Variants in AHNAK2 observed in about 807,000 individuals in gnomAD.
AHNAK2 encodes the protein AHNAK nucleoprotein 2, also known as protein AHNAK2.
In AHNAK2, 18 loss-of-function variants were observed where a neutral mutation model predicts 30.7. The observed-to-expected ratio is 0.59, with a 90% confidence interval of 0.41 to 0.87. AHNAK2 has a LOEUF of 0.87. Among genes scored for constraint, AHNAK2 ranks in the 40% least tolerant of loss-of-function variants. The probability of loss-of-function intolerance (pLI) is 0.00; values close to 1 mark genes in which losing one functional copy is unlikely to be tolerated. For missense variants in AHNAK2, 8,604 were observed against 7,373.0 expected, an observed-to-expected ratio of 1.17 and a Z score of -6.11; for synonymous variants, 3,590 against 3,073.8, an observed-to-expected ratio of 1.17 and a Z score of -5.56.
At chr14:104,971,693 G>A (rs1899475997) in intron 1 of AHNAK2, among the ~76,000 whole-genome samples, 1 of 152,202 alleles carries the variant, frequency 6.6e-6, no homozygotes, top group South Asian at 2.1e-4. Flanking sequence ...ACCTCACCCT[G>A]CTGCACCCTG....
chr14:104,952,176 G>T lies in AHNAK2; in HGVS notation c.3275C>A (p.Pro1092His), dbSNP rs749464679. Residue 1092 changes from proline (P) to histidine (H), a missense_variant, in exon 7 of 7, where the codon CCC (proline) becomes CAC (histidine). Pro to His is a moderately conservative substitution (Grantham distance 77). Coordinates refer to ENST00000333244, the MANE Select transcript of AHNAK2 (RefSeq NM_138420.4). Reference protein sequence around the residue: ...PKVEMPSFKMPKVALKGPQVD... With the variant: ...PKVEMPSFKMHKVALKGPQVD... ...CTGGGGGCCCTTGAGGGCCACTTTG[G>T]GCATCTTGAAACTGGGCATCTCCAC... The T allele has an allele frequency of 2.5e-6, 4 of 1,612,454 alleles. No individual in the cohort carries two copies. The highest frequency in any genetic ancestry group is 2.5e-6 in the Non-Finnish European group (3 of 1,179,614).
Position 104,944,293 on chromosome 14 carries a change from G to A in AHNAK2, c.11158C>T (p.His3720Tyr). 1.2e-6 allele frequency: 2 copies of A among 1,613,124 alleles called. No individual in the cohort carries two copies. Among genetic ancestry groups the A allele is most frequent in the South Asian group, 2.2e-5 (2 of 91,042 alleles). Residue 3720 changes from histidine (H) to tyrosine (Y), a missense_variant, in exon 7 of 7, where the codon CAC (histidine) becomes TAC (tyrosine). Transcript: ENST00000333244. ...QVPEGAGLKE[H>Y]LPKVEMPSLK... is the part of the protein sequence containing the mutation. Reference sequence around the variant, plus strand: ...CTGGGCATCTCCACCTTGGGCAGGTGCTCTTTGAGGCCGGCTCCCTCGGGC... The same window carrying A: ...CTGGGCATCTCCACCTTGGGCAGGTACTCTTTGAGGCCGGCTCCCTCGGGC...
In AHNAK2 at chr14:104,946,722, T is replaced by A. The variant is rs772346443; in HGVS notation, c.8729A>T (p.Asp2910Val). ...QMPSFKMPKVDLKGPQIDVKG... is the reference protein window; with the variant it reads ...QMPSFKMPKVVLKGPQIDVKG... The stretch of plus-strand genomic sequence containing the variant: ...GACGTCTATCTGGGGGCCCTTGAGA[T>A]CCACTTTGGGCATCTTGAAACTGGG... Residue 2910 changes from aspartate to valine, a missense_variant, in exon 7 of 7, where the codon GAT becomes GTT. Asp to Val is a radical substitution (Grantham distance 152). Transcript: ENST00000333244. 9 of 1,612,156 alleles carry A rather than the reference T, an allele frequency of 5.6e-6. No individual in the cohort carries two copies. Among genetic ancestry groups the A allele is most frequent in the African/African-American group, 1.3e-5 (1 of 74,364 alleles).
chr14:104,946,474 G>A lies in AHNAK2; in HGVS notation c.8977C>T (p.Pro2993Ser), dbSNP rs764690767. The change falls in exon 7 of 7, where the codon CCA becomes TCA. Residue 2993 changes from proline (P) to serine (S), a missense_variant. Coordinates refer to ENST00000333244, the MANE Select transcript of AHNAK2 (RefSeq NM_138420.4). ...ACCGAGACCTCAATGGACTTGCCTG[G>A]GGCAGACACCCCGAACGACGGCATC... ...FKMPSFGVSA[P>S]GKSIEVSVDV... is the part of the protein sequence containing the mutation. 11 of 1,612,390 alleles carry A rather than the reference G, an allele frequency of 6.8e-6. No individual in the cohort carries two copies. Among genetic ancestry groups the A allele is most frequent in the South Asian group, 4.4e-5 (4 of 90,994 alleles).
chr14:104,948,322 C>A lies in AHNAK2; in HGVS notation c.7129G>T (p.Val2377Phe). The A allele has an allele frequency of 1.9e-6, 3 of 1,612,660 alleles. No homozygotes were observed. The highest frequency in any genetic ancestry group is 1.1e-5 in the South Asian group (1 of 91,042). The change falls in exon 7 of 7, where the codon GTC (valine) becomes TTC (phenylalanine). Residue 2377 changes from valine to phenylalanine, a missense_variant. Coordinates refer to ENST00000333244, the MANE Select transcript of AHNAK2 (RefSeq NM_138420.4). ...TTCACATCCACTTGGCCAGCCTGGA[C>A]CTCCAGGTCAGCGGAAGGGGGCTGA... Reference protein sequence around the residue: ...SVQPPSADLEVQAGQVDVKLP... With the variant: ...SVQPPSADLEFQAGQVDVKLP...
chr14:104,943,327 G>GC lies in AHNAK2; in HGVS notation c.12123dup (p.Pro4042AlafsTer33). On this transcript the variant is annotated frameshift_variant, in exon 7 of 7. Coordinates refer to ENST00000333244, the MANE Select transcript of AHNAK2 (RefSeq NM_138420.4). LOFTEE classifies it low-confidence loss of function (END_TRUNC). ...TGCCCTTTGAGGCTGGCTCCCTCGGGCACGGGGCCCTCTGGGAGTTTCACG... is the reference window on the plus strand; with the variant it reads ...TGCCCTTTGAGGCTGGCTCCCTCGGGCCACGGGGCCCTCTGGGAGTTTCACG... The GC allele has an allele frequency of 6.2e-7, 1 of 1,612,832 alleles. No homozygotes were observed. The highest frequency in any genetic ancestry group is 8.5e-7 in the Non-Finnish European group (1 of 1,179,550).
At position 104,938,906 on chromosome 14, in the gene AHNAK2, C is replaced by G. The variant is rs200712744; in HGVS notation, c.16545G>C (p.Ser5515=). 1 of 1,613,658 alleles carries G rather than the reference C, an allele frequency of 6.2e-7. No homozygotes were observed. Among genetic ancestry groups the G allele is most frequent in the Non-Finnish European group, 8.5e-7 (1 of 1,179,858 alleles). ...TCACTTTTAATAAGGAAAATCCGTA[C>G]GAAGGTGTTTGAATCTCTGACGTGG... ...EIPTSEIQTP[S]YGFSLLKVKI... Residue 5515 remains serine (S), a synonymous_variant, in exon 7 of 7, where the codon TCG becomes TCC. Coordinates refer to ENST00000333244, the MANE Select transcript of AHNAK2 (RefSeq NM_138420.4).
rs545799426 is a variant in AHNAK2 at position 104,945,995 on chromosome 14, C to G, written c.9456G>C (p.Ser3152=). The change falls in exon 7 of 7, where the codon TCG becomes TCC. Residue 3152 remains serine, a synonymous_variant. Transcript: ENST00000333244. ...ACTTGCCTGGGGCAGACACCCCGAA[C>G]GACGGCATCTTGAACTTGGGCATTT... The part of the protein sequence containing the change: ...KFKMPKFKMP[S]FGVSAPGKSI... The G allele has an allele frequency of 4.6e-6, 6 of 1,309,944 alleles. No homozygotes were observed. Among genetic ancestry groups the G allele is most frequent in the African/African-American group, 2.9e-5 (2 of 69,850 alleles). 81.1% of individuals were successfully genotyped at this position (1,309,944 alleles called of 1,614,324 possible).
rs1242845083 is a variant in AHNAK2, at chr14:104,948,606, G to C, written c.6845C>G (p.Pro2282Arg). ...GGCCTTGACGTCCACCTCCACGCTG[G>C]GCAGAGACACCTCCACATCAGGGGC... is the stretch of plus-strand genomic sequence containing the variant. Reference protein sequence around the residue: ...VTAPDVEVSLPSVEVDVKAPG... With the variant: ...VTAPDVEVSLRSVEVDVKAPG... The change falls in exon 7 of 7, where the codon CCC (proline) becomes CGC (arginine). Residue 2282 changes from proline (P) to arginine (R), a missense_variant. Pro to Arg is a moderately radical substitution (Grantham distance 103). Coordinates refer to ENST00000333244, the MANE Select transcript of AHNAK2 (RefSeq NM_138420.4). 1 of 1,612,590 alleles carries C rather than the reference G, an allele frequency of 6.2e-7. No individual in the cohort carries two copies. Among genetic ancestry groups the C allele is most frequent in the Non-Finnish European group, 8.5e-7 (1 of 1,179,780 alleles).
In AHNAK2 at chr14:104,950,183, G is replaced by A. The variant is rs1566913262; in HGVS notation, c.5268C>T (p.Leu1756=). The A allele has an allele frequency of 1.3e-6, 2 of 1,586,130 alleles. No homozygotes were observed. Residue 1756 remains leucine, a synonymous_variant, in exon 7 of 7, where the codon CTC becomes CTT. Transcript: ENST00000333244. ...MPSLKMPKVA[L]KGPQMDVKGP... The stretch of plus-strand genomic sequence containing the variant: ...CCTTGACGTCCATCTGGGGGCCCTT[G>A]AGGGCCACTTTGGGCATCTTCAAAC...
Position 104,946,375 on chromosome 14 carries a change from T to C in AHNAK2, c.9076A>G (p.Ile3026Val), listed in dbSNP as rs375288801. 2.5e-6 allele frequency: 4 copies of C among 1,611,420 alleles called. No homozygotes were observed. Among genetic ancestry groups the C allele is most frequent in the Admixed American group, 3.3e-5 (2 of 59,786 alleles). Residue 3026 changes from isoleucine (I) to valine (V), a missense_variant, in exon 7 of 7, where the codon ATC becomes GTC. By Grantham distance (29) the Ile-to-Val change is conservative. Coordinates refer to ENST00000333244, the MANE Select transcript of AHNAK2 (RefSeq NM_138420.4). ...TGGGCAGAGGGGGGCTCAATGCTGA[T>C]GTCAGTGGTCTTCAGGTCCCCCTGC... ...SMQGDLKTTD[I>V]SIEPPSAQLE...
In AHNAK2 at chr14:104,953,157, C is replaced by A. The variant is rs1389272215; in HGVS notation, c.2294G>T (p.Ser765Ile). ...KGHLPKVQRP[S>I]LKMPKVDLKG... is the part of the protein sequence containing the mutation. ...GAGGTCCACTTTGGGCATCTTCAAA[C>A]TGGGCCTCTGCACCTTGGGCAGGTG... The change falls in exon 7 of 7, where the codon AGT (serine) becomes ATT (isoleucine). Residue 765 changes from serine to isoleucine, a missense_variant. Ser to Ile is a moderately radical substitution (Grantham distance 142, BLOSUM62 -2). Transcript: ENST00000333244. The A allele has an allele frequency of 4.3e-6, 7 of 1,613,168 alleles. No homozygotes were observed. In the Admixed American group the frequency reaches 1.2e-4, roughly 27 times the overall value.
intron 1 of AHNAK2, among the ~76,000 whole-genome samples, chr14:104,972,696 G>A (rs111780918): frequency 0.016 from 2,499 of 152,272 alleles, 71 homozygotes; most frequent in African/African-American, 0.057. Context: ...TCCCCAACGC[G>A]GACAGCCATG....
rs549771877 is a variant in AHNAK2, at chr14:104,978,239, G to A, written c.-2C>T. On this transcript the variant is annotated 5_prime_UTR_variant, in exon 1 of 7. Coordinates refer to ENST00000333244, the MANE Select transcript of AHNAK2 (RefSeq NM_138420.4). ...CACCATGTGGAAGCAGTCGCACATC[G>A]CGGCGGCCAGGCGGTGCGGGCCTGG... The A allele has an allele frequency of 8.3e-6, 10 of 1,208,982 alleles. No individual in the cohort carries two copies. The African/African-American group carries it at 1.1e-4, about 13-fold the overall frequency. 74.9% of individuals were successfully genotyped at this position (1,208,982 alleles called of 1,614,324 possible).
rs778199107 is a variant in AHNAK2, at chr14:104,954,097, C to T, written c.1354G>A (p.Gly452Ser). The change falls in exon 7 of 7, where the codon GGC becomes AGC. Residue 452 changes from glycine to serine, a missense_variant. Physicochemically the swap from Gly to Ser is moderately conservative, Grantham distance 56. Transcript: ENST00000333244. The surrounding 1 kb of genome is among the most constrained non-coding windows in gnomAD (Gnocchi z 4.3). ...PTPGMSREGEGEGLQSLEIGI... is the reference protein window; with the variant it reads ...PTPGMSREGESEGLQSLEIGI... ...ATTTCCAGGCTCTGCAGTCCCTCGC[C>T]TTCACCCTCCCGGCTCATTCCAGGA... The T allele has an allele frequency of 1.2e-6, 2 of 1,612,868 alleles. No homozygotes were observed. The highest frequency in any genetic ancestry group is 4.5e-5 in the East Asian group (2 of 44,886).
chr14:104,957,471 C>T lies in AHNAK2; in HGVS notation c.152G>A (p.Arg51Gln), dbSNP rs755905465. Residue 51 changes from arginine (R) to glutamine (Q), a missense_variant, in exon 3 of 7, where the codon CGG (arginine) becomes CAG (glutamine). Coordinates refer to ENST00000333244, the MANE Select transcript of AHNAK2 (RefSeq NM_138420.4). ...GTAGACAGGTGAAGACCCCTGCGGC[C>T]GTGGTCGAATGCCCTCATCCGCAGG... ...EGPADEGIRP[R>Q]PQGSSPVYEY... 26 of 1,602,472 alleles carry T rather than the reference C, an allele frequency of 1.6e-5. No homozygotes were observed. The highest frequency in any genetic ancestry group is 2.2e-5 in the South Asian group (2 of 90,190).
Position 104,945,678 on chromosome 14 carries a change from G to C in AHNAK2, c.9773C>G (p.Pro3258Arg), listed in dbSNP as rs370304219. The change falls in exon 7 of 7, where the codon CCG becomes CGG. Residue 3258 changes from proline (P) to arginine (R), a missense_variant. Physicochemically the swap from Pro to Arg is moderately radical, Grantham distance 103 (BLOSUM62 -2). Coordinates refer to ENST00000333244, the MANE Select transcript of AHNAK2 (RefSeq NM_138420.4). ...GTCGGGGGCCGTCACATCCATCTTC[G>C]GGCCTTTCAGGTCCAGCTTGGGGCC... ...IKGPKLDLKG[P>R]KMDVTAPDVE... 5 of 1,596,060 alleles carry C rather than the reference G, an allele frequency of 3.1e-6. No homozygotes were observed. In the South Asian group the frequency reaches 3.3e-5, roughly 11 times the overall value.
At position 104,939,639 on chromosome 14, in the gene AHNAK2, C is replaced by G; in HGVS notation, c.15812G>C (p.Cys5271Ser). ...ESKSSTDILR[C>S]DLDSTGLKLH... ...CTTCAAGCCTGTGCTGTCAAGATCA[C>G]ACCTTAGAATATCTGTGGATGATTT... is the stretch of plus-strand genomic sequence containing the variant. Residue 5271 changes from cysteine (C) to serine (S), a missense_variant, in exon 7 of 7, where the codon TGT (cysteine) becomes TCT (serine). By Grantham distance (112) the Cys-to-Ser change is moderately radical (BLOSUM62 -1). Transcript: ENST00000333244. The G allele has an allele frequency of 6.2e-7, 1 of 1,613,932 alleles. No individual in the cohort carries two copies. Among genetic ancestry groups the G allele is most frequent in the Non-Finnish European group, 8.5e-7 (1 of 1,179,908 alleles).
rs1897908777 is a variant in AHNAK2, at chr14:104,939,263, G to A, written c.16188C>T (p.Phe5396=). ...CATCATCCTCTGAGCTGGGGGCAGG[G>A]AAGGAGAACCTTGGTACCATTAATT... ...FPKLMVPRFS[F]PAPSSEDDVF... is the part of the protein sequence containing the mutation. The change falls in exon 7 of 7, where the codon TTC becomes TTT. Residue 5396 remains phenylalanine, a synonymous_variant. Transcript: ENST00000333244. The A allele has an allele frequency of 3.7e-6, 6 of 1,613,764 alleles. No individual in the cohort carries two copies. In the South Asian group the frequency reaches 5.5e-5, roughly 15 times the overall value.
Sources: allele counts gnomAD v4.1 joint callset (sites outside exome capture counted in the v4.1 genomes callset), GRCh38; gene constraint gnomAD v4.1.1; non-coding constraint Gnocchi (gnomAD v3.1); transcripts MANE v1.5; gene names NCBI Gene and HGNC (gene_info 2026-07-23, HGNC 2026-07-21).